SUGCT: variants seen among roughly 807,000 people sequenced by gnomAD.
SUGCT encodes succinyl-CoA:glutarate CoA-transferase.
SUGCT carries 41 observed loss-of-function variants against 55.0 expected under a neutral mutation model. The observed-to-expected ratio is 0.74, with a 90% CI of 0.58 to 0.97. The LOEUF is 0.97. SUGCT is among the 50% of genes least tolerant of loss of function. The pLI, the probability that SUGCT is intolerant of heterozygous loss-of-function variation, is 0.00. For synonymous variants in SUGCT, 187 were observed against 200.4 expected (o/e 0.93, Z 0.56); for missense variants, 568 against 547.8 (o/e 1.04, Z -0.37).
chr7:40,824,343 T>A (rs1277627428), intron 13 of SUGCT, among the ~76,000 whole-genome samples: 1 of 152,152 alleles, frequency 6.6e-6, no homozygotes, highest in Non-Finnish European at 1.5e-5. Flanking sequence ...AAAAGGATTA[T>A]ATAAAGGTAA....
the SUGCT span, among the ~76,000 whole-genome samples, chr7:40,952,050 G>T: frequency 3.4e-4 from 52 of 152,212 alleles, no homozygotes; most frequent in South Asian, 9.8e-3. Context: ...GTTGGCAGTG[G>T]GGTGTTAAAG....
At chr7:40,352,847 T>C (rs989123424) in intron 9 of SUGCT, among the ~76,000 whole-genome samples, 7 of 152,142 alleles carry the variant, frequency 4.6e-5, no homozygotes, top group African/African-American at 1.7e-4. Flanking sequence ...CTTTGAGAAA[T>C]TGCCAAACTG....
At chr7:40,501,591 A>G (rs1440805859) in intron 12 of SUGCT, among the ~76,000 whole-genome samples, 1 of 152,134 alleles carries the variant, frequency 6.6e-6, no homozygotes, top group East Asian at 1.9e-4. Context: ...GGGACATAGG[A>G]GATCATAATC....
chr7:41,019,696 C>A, the SUGCT span, among the ~76,000 whole-genome samples: 1 of 152,166 alleles, frequency 6.6e-6, no homozygotes, highest in Non-Finnish European at 1.5e-5. Flanking sequence ...CCTCACAACC[C>A]CAGCTAAGGC....
the SUGCT span, among the ~76,000 whole-genome samples, chr7:40,889,089 G>A: frequency 6.6e-6 from 1 of 152,232 alleles, no homozygotes; most frequent in East Asian, 1.9e-4. Context: ...AATGGGGCAG[G>A]AGGGTGGTAG....
intron 10 of SUGCT, among the ~76,000 whole-genome samples, chr7:40,452,287 A>C (rs1789234040): frequency 1.3e-5 from 2 of 152,210 alleles, no homozygotes; most frequent in Non-Finnish European, 2.9e-5. Context: ...AGCTATTTTA[A>C]GCTGATGGAT....
chr7:40,170,974 C>A lies in SUGCT; in HGVS notation c.101-9973C>A, dbSNP rs189618247. On this transcript the variant is annotated intron_variant, in intron 1 of 13. Coordinates refer to ENST00000335693, the MANE Select transcript of SUGCT (RefSeq NM_001193313.2). ...CTCAGGGGTGAGTTCTAGAGTTGGG[C>A]TGGGTTCCTGAATATTTCATAACAA... is the stretch of plus-strand genomic sequence containing the variant. 1.3e-4 allele frequency among the ~76,000 whole-genome samples: 20 copies of A among 152,272 alleles called. No homozygotes were observed. In the East Asian group the frequency reaches 3.7e-3, roughly 28 times the overall value.
At chr7:41,009,991 A>G in the SUGCT span, among the ~76,000 whole-genome samples, 43,309 of 152,160 alleles carry the variant, frequency 0.28, 7,758 homozygotes, top group Admixed American at 0.46. Flanking sequence ...GTGCATCTCA[A>G]CCAAGTGAGC....
chr7:40,276,058 A>G (rs1792454986), intron 8 of SUGCT, among the ~76,000 whole-genome samples: 1 of 152,226 alleles, frequency 6.6e-6, no homozygotes. Flanking sequence ...ACTGCTTTGG[A>G]TATTTTTTCC....
At chr7:40,274,706 G>A (rs1562636509) in intron 8 of SUGCT, 50 bp downstream of exon 8, 2 of 1,570,028 alleles carry the variant, frequency 1.3e-6, no homozygotes, top group Admixed American at 1.7e-5. Flanking sequence ...CTGTGTCTGG[G>A]TTATACCTTT....
At chr7:40,520,398 G>A (rs934974179) in intron 12 of SUGCT, among the ~76,000 whole-genome samples, 8 of 152,108 alleles carry the variant, frequency 5.3e-5, no homozygotes, top group African/African-American at 1.9e-4. Flanking sequence ...TCTAGAGTAA[G>A]TCTGCCCGTG....
intron 13 of SUGCT, among the ~76,000 whole-genome samples, chr7:40,796,002 T>G (rs1401780418): frequency 6.6e-6 from 1 of 152,204 alleles, no homozygotes; most frequent in Non-Finnish European, 1.5e-5. Flanking sequence ...TGACCTCTTT[T>G]AAATGTTTCT....
the SUGCT span, among the ~76,000 whole-genome samples, chr7:40,963,427 T>C: frequency 1.3e-5 from 2 of 152,222 alleles, no homozygotes; most frequent in Non-Finnish European, 2.9e-5. Context: ...CTCCAATTGA[T>C]ACTTTTTAAA....
chr7:40,890,328 A>AAT, the SUGCT span, among the ~76,000 whole-genome samples: 2 of 107,290 alleles, frequency 1.9e-5, no homozygotes, highest in Admixed American at 8.8e-5. Flanking sequence ...ATATAATATA[A>AAT]ATATTAATAT....
At chr7:40,676,527 G>A (rs1176253234) in intron 12 of SUGCT, among the ~76,000 whole-genome samples, 4 of 146,454 alleles carry the variant, frequency 2.7e-5, no homozygotes, top group Admixed American at 1.4e-4. Context: ...TTTTGAGATG[G>A]AGCCTCACTC....
intron 6 of SUGCT, among the ~76,000 whole-genome samples, chr7:40,231,585 GC>G (rs1013209807): frequency 1.8e-4 from 28 of 152,080 alleles, no homozygotes; most frequent in Admixed American, 4.6e-4. Context: ...TTGTGCAAAG[GC>G]CCCACCTTGG....
At chr7:40,806,791 A>G (rs1296904169) in intron 13 of SUGCT, among the ~76,000 whole-genome samples, 1 of 152,144 alleles carries the variant, frequency 6.6e-6, no homozygotes, top group Non-Finnish European at 1.5e-5. Context: ...GAATGAACAA[A>G]TGGGGTCAGC....
At chr7:40,313,689 G>T (rs148242334) in intron 8 of SUGCT, among the ~76,000 whole-genome samples, 2 of 151,256 alleles carry the variant, frequency 1.3e-5, no homozygotes, top group Admixed American at 1.3e-4. Flanking sequence ...GAGCGCTGTG[G>T]CGTGATCACC....
At chr7:40,412,129 T>C (rs1413321676) in intron 9 of SUGCT, among the ~76,000 whole-genome samples, 3 of 152,188 alleles carry the variant, frequency 2.0e-5, no homozygotes, top group Non-Finnish European at 4.4e-5. Flanking sequence ...AGTCAGAGGC[T>C]GCCAGGGTGG....
Sources: allele counts gnomAD v4.1 joint callset (sites outside exome capture counted in the v4.1 genomes callset), GRCh38; gene constraint gnomAD v4.1.1; transcripts MANE v1.5; gene names NCBI Gene and HGNC (gene_info 2026-07-23, HGNC 2026-07-21).